C17orf78: variants seen among roughly 807,000 people sequenced by gnomAD.
C17orf78 encodes the protein chromosome 17 open reading frame 78.
In C17orf78, 27 loss-of-function variants were observed where a neutral mutation model predicts 31.8. That is an observed-to-expected ratio of 0.85 (90% CI 0.63 to 1.17). The LOEUF is 1.17. Among genes scored for constraint, C17orf78 ranks in the 50% most tolerant of loss-of-function variants. The pLI, the probability that C17orf78 is intolerant of heterozygous loss-of-function variation, is 0.00. For synonymous variants in C17orf78, 106 were observed against 115.1 expected (o/e 0.92, Z 0.51); for missense variants, 258 against 315.2 (o/e 0.82, Z 1.37).
intron 2 of C17orf78, 130 bp downstream of exon 2, chr17:37,378,095 AG>A: frequency 1.3e-6 from 1 of 798,030 alleles, no homozygotes; most frequent in Non-Finnish European, 2.0e-6. Flanking sequence ...GTATCCTCCC[AG>A]GGGGCTTTCT....
chr17:37,388,361 T>C (rs1157977116), intron 4 of C17orf78, among the ~76,000 whole-genome samples: 2 of 152,178 alleles, frequency 1.3e-5, no homozygotes, highest in African/African-American at 4.8e-5. Flanking sequence ...GCTCCATGTG[T>C]ACCCGAGATT....
At chr17:37,381,898 AT>A (rs1213876635) in intron 3 of C17orf78, among the ~76,000 whole-genome samples, 2 of 152,090 alleles carry the variant, frequency 1.3e-5, no homozygotes, top group African/African-American at 2.4e-5. Flanking sequence ...AAGTGCTGGG[AT>A]TACAGGCGTG....
intron 3 of C17orf78, among the ~76,000 whole-genome samples, chr17:37,385,104 TC>T (rs1197617239): frequency 6.6e-6 from 1 of 152,112 alleles, no homozygotes; most frequent in African/African-American, 2.4e-5. Context: ...TGCAATGGCC[TC>T]CTAACAGGTT....
chr17:37,379,730 ATC>A (rs1432639868), intron 3 of C17orf78, among the ~76,000 whole-genome samples: 1 of 151,132 alleles, frequency 6.6e-6, no homozygotes, highest in Non-Finnish European at 1.5e-5. Flanking sequence ...ATGAGATACC[ATC>A]TCACACCAGT....
intron 5 of C17orf78, 81 bp from the exon 6 acceptor site, chr17:37,389,165 A>G: frequency 6.8e-7 from 1 of 1,480,102 alleles, no homozygotes; most frequent in Non-Finnish European, 9.1e-7. Context: ...GCTTCCTTTA[A>G]GTTGCCCAAC....
At position 37,383,554 on chromosome 17, in the gene C17orf78, A is replaced by G. The variant is rs529354500; in HGVS notation, c.392-2455A>G. 2.6e-5 allele frequency among the ~76,000 whole-genome samples: 4 copies of G among 152,188 alleles called. No individual in the cohort carries two copies. The South Asian group carries it at 6.2e-4, about 24-fold the overall frequency. Reference sequence around the variant, plus strand: ...CATAATGATGAATCCCAAAAAACCTATTTATTTATTTGAGACAGAGTCTCG... The same window carrying G: ...CATAATGATGAATCCCAAAAAACCTGTTTATTTATTTGAGACAGAGTCTCG... On this transcript the variant is annotated intron_variant, in intron 3 of 6. Transcript: ENST00000615133.
intron 3 of C17orf78, among the ~76,000 whole-genome samples, chr17:37,381,868 CT>C (rs1568082207): frequency 6.6e-6 from 1 of 151,504 alleles, no homozygotes; most frequent in African/African-American, 2.4e-5. Context: ...ACCTTGTGAT[CT>C]GCCCGCCTTG....
rs1269768523 is a variant in C17orf78 at position 37,390,241 on chromosome 17, ATTATATATATAT to A, written c.750+881_750+892del. Among the ~76,000 whole-genome samples, 25 of 49,498 alleles carry A rather than the reference ATTATATATATAT, an allele frequency of 5.1e-4. 6 individuals are homozygous for A. Among genetic ancestry groups the A allele is most frequent in the African/African-American group, 3.1e-3 (23 of 7,426 alleles). 32.5% of individuals were successfully genotyped at this position (49,498 alleles called of 152,430 possible). On this transcript the variant is annotated intron_variant, in intron 6 of 6. Transcript: ENST00000615133. ...TATTATATATAATTATATATAATAT[ATTATATATATAT>A]TATATATAATTATATATAATATATT...
At position 37,377,874 on chromosome 17, in the gene C17orf78, C is replaced by T; in HGVS notation, c.59-5C>T. 6.2e-7 allele frequency: 1 copy of T among 1,613,126 alleles called. No homozygotes were observed. Among genetic ancestry groups the T allele is most frequent in the Non-Finnish European group, 8.5e-7 (1 of 1,179,372 alleles). The stretch of plus-strand genomic sequence containing the variant: ...TTCCCCTCCTCCCCCTCTGCTCACC[C>T]CCAGACCTCAGAGATAGCAGTTGCC... On this transcript the variant is annotated splice_polypyrimidine_tract_variant and splice_region_variant and intron_variant, in intron 1 of 6. Coordinates refer to ENST00000615133, the MANE Select transcript of C17orf78 (RefSeq NM_173625.5).
intron 3 of C17orf78, among the ~76,000 whole-genome samples, chr17:37,380,267 G>A (rs1214715920): frequency 1.6e-5 from 2 of 121,864 alleles, no homozygotes; most frequent in African/African-American, 6.6e-5. Context: ...AGACTCTGGG[G>A]ACTGTTGTGG....
intron 3 of C17orf78, among the ~76,000 whole-genome samples, chr17:37,381,902 C>T (rs1819010252): frequency 6.6e-6 from 1 of 152,310 alleles, no homozygotes; most frequent in East Asian, 1.9e-4. Flanking sequence ...GCTGGGATTA[C>T]AGGCGTGAGC....
In C17orf78 at chr17:37,377,817, GT is replaced by G. The variant is rs367661724; in HGVS notation, c.59-61del. The G allele has an allele frequency of 5.7e-5, 78 of 1,367,840 alleles. No individual in the cohort carries two copies. The African/African-American group carries it at 8.6e-4, about 15-fold the overall frequency. The allele number at this position is 1,367,840 out of a possible 1,614,324, so 84.7% of individuals were successfully genotyped here. A position where few individuals can be genotyped will look rare whatever the true frequency, so the allele number is the denominator to read the frequency against. The stretch of plus-strand genomic sequence containing the variant: ...CCAGAATTCTAAAAAGTAAGTACCA[GT>G]AAATTCTGATTTTCCCCAAACCTTC... On this transcript the variant is annotated intron_variant, in intron 1 of 6. Transcript: ENST00000615133.
At chr17:37,379,028 C>T (rs1243788019) in intron 2 of C17orf78, 109 bp from the exon 3 acceptor site, 11 of 1,312,672 alleles carry the variant, frequency 8.4e-6, no homozygotes, top group South Asian at 3.1e-5. Flanking sequence ...GCCATGATTG[C>T]GACACTGCAC....
chr17:37,384,462 TTA>T (rs1267321012), intron 3 of C17orf78, among the ~76,000 whole-genome samples: 1 of 152,236 alleles, frequency 6.6e-6, no homozygotes, highest in Non-Finnish European at 1.5e-5. Context: ...TGCAAAGTGT[TTA>T]CACACATGCT....
At chr17:37,383,994 G>A (rs1036099866) in intron 3 of C17orf78, among the ~76,000 whole-genome samples, 5 of 152,122 alleles carry the variant, frequency 3.3e-5, no homozygotes, top group African/African-American at 7.2e-5. Context: ...AGCCGGGCGC[G>A]GTGTCTCATG....
At chr17:37,385,352 A>G (rs1264713481) in intron 3 of C17orf78, among the ~76,000 whole-genome samples, 2 of 152,164 alleles carry the variant, frequency 1.3e-5, no homozygotes, top group African/African-American at 4.8e-5. Flanking sequence ...ATGCACCTGT[A>G]GTCTCAGCTA....
chr17:37,378,316 T>G (rs2050096639), intron 2 of C17orf78, among the ~76,000 whole-genome samples: 1 of 152,184 alleles, frequency 6.6e-6, no homozygotes, highest in Non-Finnish European at 1.5e-5. Context: ...ATTAGTACTA[T>G]GAACACAAAC....
At chr17:37,384,613 T>C (rs965673857) in intron 3 of C17orf78, among the ~76,000 whole-genome samples, 2 of 152,222 alleles carry the variant, frequency 1.3e-5, no homozygotes, top group African/African-American at 4.8e-5. Flanking sequence ...GTGAGATTTG[T>C]TTATTTTTAT....
Position 37,389,376 on chromosome 17 carries a change from G to A in C17orf78, c.750+14G>A. ...CAGCCCCAGAAGGAAAGTGTTCTCT[G>A]TGTGGTTTATGTCATTTGCTTAAAG... On this transcript the variant is annotated intron_variant, in intron 6 of 6. Transcript: ENST00000615133. 2 of 1,564,784 alleles carry A rather than the reference G, an allele frequency of 1.3e-6. No individual in the cohort carries two copies. Among genetic ancestry groups the A allele is most frequent in the Non-Finnish European group, 1.7e-6 (2 of 1,154,602 alleles).
Sources: allele counts gnomAD v4.1 joint callset (sites outside exome capture counted in the v4.1 genomes callset), GRCh38; gene constraint gnomAD v4.1.1; transcripts MANE v1.5; gene names NCBI Gene and HGNC (gene_info 2026-07-23, HGNC 2026-07-21).